PDLIM5: variants seen among roughly 807,000 people sequenced by gnomAD.
PDLIM5 encodes PDZ and LIM domain 5.
A neutral mutation model predicts 64.2 loss-of-function variants in PDLIM5; 34 were observed. The observed-to-expected ratio is 0.53, with a 90% confidence interval of 0.40 to 0.71. The LOEUF (loss-of-function observed/expected upper bound fraction) is 0.71, where lower values mean the gene tolerates loss of function less well. PDLIM5 is among the 30% of genes least tolerant of loss of function. The pLI is 0.00. For synonymous variants in PDLIM5, 253 were observed against 269.1 expected (o/e 0.94, Z 0.59); for missense variants, 683 against 733.6 (o/e 0.93, Z 0.80).
chr4:94,650,045 T>C (rs1025340860), intron 9 of PDLIM5, among the ~76,000 whole-genome samples: 8 of 152,226 alleles, frequency 5.3e-5, no homozygotes, highest in Admixed American at 5.2e-4. Flanking sequence ...TACTTTTTAA[T>C]GTTCCAAATT....
intron 2 of PDLIM5, among the ~76,000 whole-genome samples, chr4:94,494,432 G>GGTTTTGTTTTTTTTTTTTTTTTT (rs1553940971): frequency 1.4e-5 from 1 of 70,770 alleles, no homozygotes; most frequent in Non-Finnish European, 2.8e-5. Context: ...TTTTTTTCTT[G>GGTTTTGTTTTTTTTTTTTTTTTT]TTTTTTTTTT....
At chr4:94,568,188 C>T (rs1302438007) in intron 3 of PDLIM5, among the ~76,000 whole-genome samples, 5 of 152,204 alleles carry the variant, frequency 3.3e-5, no homozygotes, top group Admixed American at 2.6e-4. Context: ...TGATGGCTTA[C>T]AGGCCAAGTC....
intron 7 of PDLIM5, among the ~76,000 whole-genome samples, chr4:94,604,494 C>T (rs1458546541): frequency 6.6e-6 from 1 of 151,992 alleles, no homozygotes; most frequent in Non-Finnish European, 1.5e-5. Context: ...ATTAGCCAGG[C>T]GTGGTGGCAC....
intron 2 of PDLIM5, among the ~76,000 whole-genome samples, chr4:94,523,323 GT>G (rs1345023874): frequency 6.6e-5 from 10 of 152,120 alleles, no homozygotes; most frequent in African/African-American, 2.4e-4. Flanking sequence ...TGTTAAAAGA[GT>G]TTTAAAAAAT....
chr4:94,535,159 G>A (rs1731208571), intron 3 of PDLIM5, among the ~76,000 whole-genome samples: 1 of 152,132 alleles, frequency 6.6e-6, no homozygotes. Flanking sequence ...CTGGCTTAGT[G>A]ACGGCTTGAA....
chr4:94,618,482 A>G (rs1285938534), intron 8 of PDLIM5, among the ~76,000 whole-genome samples: 1 of 152,256 alleles, frequency 6.6e-6, no homozygotes, highest in African/African-American at 2.4e-5. Context: ...GGTCTTATTT[A>G]ATAACAACTA....
intron 3 of PDLIM5, among the ~76,000 whole-genome samples, chr4:94,534,332 T>C (rs749380809): frequency 9.2e-5 from 14 of 152,356 alleles, no homozygotes; most frequent in South Asian, 2.1e-4. Context: ...ACTTTTAGAA[T>C]AAATTTTCTT....
At chr4:94,540,005 A>G (rs1156956055) in intron 3 of PDLIM5, among the ~76,000 whole-genome samples, 2 of 152,092 alleles carry the variant, frequency 1.3e-5, no homozygotes, top group Admixed American at 6.5e-5. Flanking sequence ...AATAAAATAT[A>G]TAATAATACT....
Position 94,666,027 on chromosome 4 carries a change from T to A in PDLIM5, c.*1960T>A. ...TTGGTTTTTCTCTTTGTTTCCAGAATGGATGAAAGTCCATGAACCTCCTAA... is the reference window on the plus strand; with the variant it reads ...TTGGTTTTTCTCTTTGTTTCCAGAAAGGATGAAAGTCCATGAACCTCCTAA... On this transcript the variant is annotated 3_prime_UTR_variant, in exon 13 of 13. Coordinates refer to ENST00000317968, the MANE Select transcript of PDLIM5 (RefSeq NM_006457.5). The A allele has an allele frequency of 6.5e-7, 1 of 1,534,214 alleles. No homozygotes were observed. The highest frequency in any genetic ancestry group is 1.2e-5 in the South Asian group (1 of 83,906).
Position 94,664,953 on chromosome 4 carries a change from A to C in PDLIM5, c.*886A>C. The C allele has an allele frequency of 2.0e-6, 2 of 981,770 alleles. No individual in the cohort carries two copies. Among genetic ancestry groups the C allele is most frequent in the Non-Finnish European group, 2.4e-6 (2 of 826,606 alleles). The allele number at this position is 981,770 out of a possible 1,614,324, so 60.8% of individuals were successfully genotyped here. A position where few individuals can be genotyped will look rare whatever the true frequency, so the allele number is the denominator to read the frequency against. On this transcript the variant is annotated 3_prime_UTR_variant, in exon 13 of 13. Transcript: ENST00000317968. ...AAGGACAATAAGATTTTTTATCAAA[A>C]TGTGTCATGCCAGTAAGAGATGTTA... is the stretch of plus-strand genomic sequence containing the variant.
At chr4:94,521,718 G>T (rs879928241) in intron 2 of PDLIM5, among the ~76,000 whole-genome samples, 2 of 151,746 alleles carry the variant, frequency 1.3e-5, no homozygotes, top group Non-Finnish European at 2.9e-5. Flanking sequence ...TATTACTACT[G>T]AACTAGGAGT....
intron 9 of PDLIM5, among the ~76,000 whole-genome samples, chr4:94,649,178 G>A (rs1440080483): frequency 6.6e-6 from 1 of 151,752 alleles, no homozygotes; most frequent in Admixed American, 6.6e-5. Flanking sequence ...GTTTTATCAT[G>A]TTGGCCAGGC....
chr4:94,502,345 T>C (rs1293992058), intron 2 of PDLIM5, among the ~76,000 whole-genome samples: 2 of 152,172 alleles, frequency 1.3e-5, no homozygotes, highest in Non-Finnish European at 2.9e-5. Context: ...AAGAATCAAA[T>C]GTGCAATGTG....
chr4:94,585,085 G>C, intron 5 of PDLIM5: 1 of 768,164 alleles, frequency 1.3e-6, no homozygotes, highest in Non-Finnish European at 2.1e-6. Context: ...TAATTTAAAA[G>C]GTTTTTTTGT....
chr4:94,639,124 G>A (rs950422593), intron 8 of PDLIM5, among the ~76,000 whole-genome samples: 1 of 152,082 alleles, frequency 6.6e-6, no homozygotes, highest in Non-Finnish European at 1.5e-5. Context: ...TAGGAAGAAG[G>A]GTAGAAAATG....
intron 2 of PDLIM5, among the ~76,000 whole-genome samples, chr4:94,483,718 C>T (rs991798069): frequency 2.0e-5 from 3 of 152,048 alleles, no homozygotes; most frequent in Admixed American, 6.6e-5. Flanking sequence ...TTATTCCGTT[C>T]GTGATTATTT....
At chr4:94,468,420 C>T (rs1054703870) in intron 2 of PDLIM5, among the ~76,000 whole-genome samples, 3 of 152,096 alleles carry the variant, frequency 2.0e-5, no homozygotes, top group Admixed American at 6.5e-5. Context: ...GAATGAGCCA[C>T]GGTGCCTGGC....
intron 1 of PDLIM5, among the ~76,000 whole-genome samples, chr4:94,454,529 C>T (rs1013874586): frequency 3.9e-5 from 6 of 152,162 alleles, no homozygotes; most frequent in Admixed American, 2.0e-4. Context: ...CAAATGCTTA[C>T]TCTCTGCCTG....
At chr4:94,625,670 G>A (rs182955900) in intron 8 of PDLIM5, among the ~76,000 whole-genome samples, 4 of 152,164 alleles carry the variant, frequency 2.6e-5, no homozygotes, top group African/African-American at 9.6e-5. Flanking sequence ...AGCCAGGATG[G>A]TCTCGATCTC....
Sources: allele counts gnomAD v4.1 joint callset (sites outside exome capture counted in the v4.1 genomes callset), GRCh38; gene constraint gnomAD v4.1.1; transcripts MANE v1.5; gene names NCBI Gene and HGNC (gene_info 2026-07-23, HGNC 2026-07-21).